Variants in CHN2 observed in about 807,000 individuals in gnomAD.
CHN2 encodes beta-chimaerin.
A neutral mutation model predicts 56.3 loss-of-function variants in CHN2; 35 were observed. The ratio of observed to expected loss-of-function variants is 0.62; its 90% CI spans 0.47 to 0.82. CHN2 has a LOEUF of 0.82. CHN2 is among the 40% of genes least tolerant of loss of function. CHN2 has a pLI of 0.00. For missense variants in CHN2, 491 were observed against 580.5 expected (o/e 0.85, Z 1.58); for synonymous variants, 210 against 212.8 (o/e 0.99, Z 0.12).
intron 1 of CHN2, among the ~76,000 whole-genome samples, chr7:29,325,822 C>G (rs1263871187): frequency 1.3e-5 from 2 of 152,152 alleles, no homozygotes; most frequent in Non-Finnish European, 2.9e-5. Context: ...AGGGGAAATG[C>G]TCCATCTTGG....
At chr7:29,401,438 T>C (rs776635426) in intron 6 of CHN2, among the ~76,000 whole-genome samples, 2 of 152,196 alleles carry the variant, frequency 1.3e-5, no homozygotes, top group Admixed American at 6.5e-5. Flanking sequence ...TAATGTATTA[T>C]GATGAAACAT....
chr7:29,190,001 G>A (rs1313346506), upstream of CHN2, among the ~76,000 whole-genome samples: 1 of 152,214 alleles, frequency 6.6e-6, no homozygotes, highest in Non-Finnish European at 1.5e-5. Context: ...AGGCAGGGCC[G>A]CTACCTGCGG....
chr7:29,501,353 C>G (rs897775500), intron 9 of CHN2, among the ~76,000 whole-genome samples: 6 of 152,118 alleles, frequency 3.9e-5, no homozygotes, highest in African/African-American at 1.2e-4. Context: ...AGTGGCTAAA[C>G]TGGGTAAGAG....
At chr7:29,412,209 CT>C (rs1016413088) in intron 6 of CHN2, among the ~76,000 whole-genome samples, 44 of 152,162 alleles carry the variant, frequency 2.9e-4, no homozygotes, top group African/African-American at 1.0e-3. Context: ...CCAGAAGCCA[CT>C]GCTGGAATGC....
chr7:29,212,923 C>T, intron 1 of CHN2: 1 of 1,610,686 alleles, frequency 6.2e-7, no homozygotes, highest in Admixed American at 1.7e-5. Flanking sequence ...CTGGAGCAAC[C>T]AGACCCAGAA....
chr7:29,177,523 G>A (rs1797509606), intron 2 of CHN2, among the ~76,000 whole-genome samples: 1 of 150,810 alleles, frequency 6.6e-6, no homozygotes, highest in South Asian at 2.1e-4. Flanking sequence ...CACAGTGCTG[G>A]GATTACAGGC....
intron 7 of CHN2, among the ~76,000 whole-genome samples, chr7:29,492,273 T>TTTG (rs1196669725): frequency 6.6e-6 from 1 of 152,226 alleles, no homozygotes; most frequent in Non-Finnish European, 1.5e-5. Flanking sequence ...TGTTTTGGTT[T>TTTG]TTGTTGTTGT....
chr7:29,452,926 C>T (rs868425808), intron 6 of CHN2, among the ~76,000 whole-genome samples: 6 of 152,230 alleles, frequency 3.9e-5, no homozygotes, highest in African/African-American at 1.4e-4. Flanking sequence ...GCTTGTGCTT[C>T]CTCAGCCTGA....
chr7:29,147,928 TATG>T (rs1792987626), intron 2 of CHN2, among the ~76,000 whole-genome samples: 1 of 152,230 alleles, frequency 6.6e-6, no homozygotes, highest in African/African-American at 2.4e-5. Context: ...TGCACTTAAA[TATG>T]ATGGTGCAGG....
intron 1 of CHN2, among the ~76,000 whole-genome samples, chr7:29,268,029 C>A (rs1235316516): frequency 1.3e-5 from 2 of 152,090 alleles, no homozygotes; most frequent in East Asian, 1.9e-4. Flanking sequence ...ATACTGAAAC[C>A]TTTTACTTCC....
chr7:29,146,625 C>T (rs1351056925), exon 1 of CHN2: 3 of 1,550,548 alleles, frequency 1.9e-6, no homozygotes, highest in South Asian at 1.2e-5. Flanking sequence ...CGTCGTGTCC[C>T]AACCTCCTGG....
chr7:29,512,366 C>T (rs1791573431), intron 12 of CHN2, among the ~76,000 whole-genome samples, 198 bp from the exon 13 acceptor site: 1 of 152,058 alleles, frequency 6.6e-6, no homozygotes, highest in African/African-American at 2.4e-5. Flanking sequence ...TTTCCACCGG[C>T]GAAGGCAATG....
intron 12 of CHN2, among the ~76,000 whole-genome samples, chr7:29,510,930 A>G (rs780415498): frequency 1.7e-5 from 2 of 115,632 alleles, no homozygotes; most frequent in Non-Finnish European, 3.5e-5. Flanking sequence ...CTCTGGTGAC[A>G]CTATTCTCCC....
chr7:29,417,558 A>C (rs1803900667), intron 6 of CHN2, among the ~76,000 whole-genome samples: 1 of 152,202 alleles, frequency 6.6e-6, no homozygotes. Flanking sequence ...AAGTAGAGAA[A>C]GATCCATTAG....
At chr7:29,265,175 C>T (rs73074586) in intron 1 of CHN2, among the ~76,000 whole-genome samples, 106 of 152,268 alleles carry the variant, frequency 7.0e-4, no homozygotes, top group Non-Finnish European at 1.2e-3. Flanking sequence ...ACAACGCTGC[C>T]CCTATTCCTT....
intron 7 of CHN2, among the ~76,000 whole-genome samples, chr7:29,486,600 G>A (rs968017603): frequency 3.9e-5 from 6 of 152,024 alleles, no homozygotes; most frequent in Non-Finnish European, 8.8e-5. Flanking sequence ...CCTTTCAAAA[G>A]CATCCCATCA....
At chr7:29,289,319 G>A (rs1792395466) in intron 1 of CHN2, among the ~76,000 whole-genome samples, 1 of 152,198 alleles carries the variant, frequency 6.6e-6, no homozygotes, top group Admixed American at 6.5e-5. Context: ...GGAGAGGCAA[G>A]ATGGACATAC....
At chr7:29,491,470 G>A (rs772039769) in intron 7 of CHN2, among the ~76,000 whole-genome samples, 4 of 152,210 alleles carry the variant, frequency 2.6e-5, no homozygotes, top group African/African-American at 4.8e-5. Context: ...GCACAGTGGC[G>A]CCATCATAGC....
At chr7:29,498,292 T>G (rs1354412664) in intron 8 of CHN2, among the ~76,000 whole-genome samples, 1 of 152,386 alleles carries the variant, frequency 6.6e-6, no homozygotes, top group Non-Finnish European at 1.5e-5. Context: ...GGTGCTATTA[T>G]GATCTTCTAT....
Sources: allele counts gnomAD v4.1 joint callset (sites outside exome capture counted in the v4.1 genomes callset), GRCh38; gene constraint gnomAD v4.1.1; transcripts MANE v1.5; gene names NCBI Gene and HGNC (gene_info 2026-07-23, HGNC 2026-07-21).